ACBD6: variants seen among roughly 807,000 people sequenced by gnomAD.
ACBD6 encodes the protein acyl-CoA binding domain containing 6.
ACBD6 carries 28 observed loss-of-function variants against 37.2 expected under a neutral mutation model. The observed-to-expected ratio is 0.75, with a 90% CI of 0.56 to 1.03. ACBD6 has a LOEUF of 1.03. Among genes scored for constraint, ACBD6 ranks in the 50% least tolerant of loss-of-function variants. The pLI is 0.00. For missense variants in ACBD6, 340 were observed against 337.4 expected (o/e 1.01, Z -0.06); for synonymous variants, 113 against 126.8 (o/e 0.89, Z 0.73).
chr1:180,446,591 T>C (rs953231034), intron 3 of ACBD6, among the ~76,000 whole-genome samples: 1 of 152,106 alleles, frequency 6.6e-6, no homozygotes, highest in Non-Finnish European at 1.5e-5. Flanking sequence ...AAAAGAAAAC[T>C]TTACCATGAA....
chr1:180,304,174 C>G (rs536132629), intron 7 of ACBD6, among the ~76,000 whole-genome samples: 15 of 150,676 alleles, frequency 1.0e-4, no homozygotes, highest in Non-Finnish European at 1.9e-4. Context: ...AAACCTGGAA[C>G]CATTCCCTTT....
intron 6 of ACBD6, among the ~76,000 whole-genome samples, chr1:180,364,447 T>G (rs534501880): frequency 4.9e-4 from 75 of 152,342 alleles, no homozygotes; most frequent in Non-Finnish European, 9.8e-4. Context: ...GTCTACTGTC[T>G]TCAAATAACA....
At position 180,324,892 on chromosome 1, in the gene ACBD6, G is replaced by A. The variant is rs138536473; in HGVS notation, c.664-10170C>T. On this transcript the variant is annotated intron_variant, in intron 6 of 7. Coordinates refer to ENST00000367595, the MANE Select transcript of ACBD6 (RefSeq NM_032360.4). ...TTCTAGGGTAAATTTTTTTTTGTTT[G>A]TTTTTCCTTTAGCACTTTAAATATG... Among the ~76,000 whole-genome samples the A allele has an allele frequency of 2.6e-3, 387 of 151,698 alleles. 2 individuals are homozygous for A. In the East Asian group the frequency reaches 0.036, roughly 14 times the overall value.
rs542088327 is a variant in ACBD6, at chr1:180,470,003, A to G, written c.384+22266T>C. Among the ~76,000 whole-genome samples, 5 of 152,288 alleles carry G rather than the reference A, an allele frequency of 3.3e-5. No homozygotes were observed. The East Asian group carries it at 9.6e-4, about 29-fold the overall frequency. ...AAGCAAATTATGTCAAATATAATAAATAAGATTTTAACAATAAAAGACTAA... is the reference window on the plus strand; with the variant it reads ...AAGCAAATTATGTCAAATATAATAAGTAAGATTTTAACAATAAAAGACTAA... On this transcript the variant is annotated intron_variant, in intron 3 of 7. Transcript: ENST00000367595.
intron 3 of ACBD6, among the ~76,000 whole-genome samples, chr1:180,440,974 T>C (rs76724469): frequency 2.7e-3 from 408 of 152,336 alleles, no homozygotes; most frequent in African/African-American, 9.2e-3. Context: ...TTTGGGTTGT[T>C]TGCACTTTTG....
intron 6 of ACBD6, among the ~76,000 whole-genome samples, chr1:180,334,761 GA>G (rs1207918483): frequency 6.6e-6 from 1 of 151,812 alleles, no homozygotes; most frequent in Non-Finnish European, 1.5e-5. Context: ...TAAAAACCTT[GA>G]AAAAAAATTA....
intron 6 of ACBD6, among the ~76,000 whole-genome samples, chr1:180,392,301 C>G (rs1571447220): frequency 6.6e-6 from 1 of 151,642 alleles, no homozygotes. Flanking sequence ...GTAAAACACA[C>G]TGTGCTGTAT....
intron 3 of ACBD6, among the ~76,000 whole-genome samples, chr1:180,473,890 T>G (rs1650672826): frequency 6.6e-6 from 1 of 152,046 alleles, no homozygotes; most frequent in Non-Finnish European, 1.5e-5. Flanking sequence ...TGGATTCACT[T>G]GATTAAAATA....
chr1:180,274,274 T>C, intron 10 of ACBD6: 7 of 1,614,226 alleles, frequency 4.3e-6, no homozygotes, highest in Non-Finnish European at 5.9e-6. Context: ...GAATGGGAGC[T>C]TCTCCATGGA....
Position 180,434,860 on chromosome 1 carries a change from G to C in ACBD6, c.385-4598C>G, listed in dbSNP as rs1648956640. On this transcript the variant is annotated intron_variant, in intron 3 of 7. Coordinates refer to ENST00000367595, the MANE Select transcript of ACBD6 (RefSeq NM_032360.4). ...ATCTGCCAGGGATGTCTTCACCAAG[G>C]GTTATGGATTTGGCTTGATTTGAAA... is the stretch of plus-strand genomic sequence containing the variant. The C allele has an allele frequency of 1.3e-5, 10 of 753,980 alleles. No individual in the cohort carries two copies. In the Admixed American group the frequency reaches 1.7e-4, roughly 13 times the overall value. The allele number at this position is 753,980 out of a possible 1,614,324, so 46.7% of individuals were successfully genotyped here.
At chr1:180,270,688 A>G in exon 14 of ACBD6, 1 of 153,834 alleles carries the variant, frequency 6.5e-6, no homozygotes, top group Non-Finnish European at 1.4e-5. Context: ...AACTCATTTT[A>G]CATTTCATCT....
chr1:180,346,317 T>C (rs763568561), intron 6 of ACBD6, among the ~76,000 whole-genome samples: 6 of 152,200 alleles, frequency 3.9e-5, no homozygotes, highest in Non-Finnish European at 8.8e-5. Flanking sequence ...TAGAAATATA[T>C]TAATAGGTAC....
chr1:180,396,571 T>C (rs553025622), intron 6 of ACBD6, among the ~76,000 whole-genome samples: 1 of 152,058 alleles, frequency 6.6e-6, no homozygotes, highest in Non-Finnish European at 1.5e-5. Flanking sequence ...GTATCCAGAA[T>C]ATATAAAGCA....
intron 3 of ACBD6, among the ~76,000 whole-genome samples, chr1:180,445,751 C>G (rs746565778): frequency 6.6e-6 from 1 of 151,540 alleles, no homozygotes; most frequent in Admixed American, 6.6e-5. Context: ...ATGGTGAGAC[C>G]CTGTCTCTAC....
At chr1:180,398,863 G>C (rs1349566760) in intron 5 of ACBD6, among the ~76,000 whole-genome samples, 1 of 151,248 alleles carries the variant, frequency 6.6e-6, no homozygotes, top group Non-Finnish European at 1.5e-5. Flanking sequence ...TACTTTATGT[G>C]ATTTTAGAAA....
chr1:180,443,948 C>G (rs1649385457), intron 3 of ACBD6, among the ~76,000 whole-genome samples: 1 of 151,894 alleles, frequency 6.6e-6, no homozygotes, highest in Non-Finnish European at 1.5e-5. Context: ...TAACTTTACA[C>G]TACTTATAAT....
chr1:180,427,097 T>C (rs1409996866), intron 4 of ACBD6, among the ~76,000 whole-genome samples: 1 of 152,224 alleles, frequency 6.6e-6, no homozygotes, highest in Non-Finnish European at 1.5e-5. Context: ...AAGCTCAGAA[T>C]TGGCCCCACT....
intron 5 of ACBD6, among the ~76,000 whole-genome samples, chr1:180,412,475 T>G (rs966513339): frequency 2.0e-5 from 3 of 152,194 alleles, no homozygotes; most frequent in African/African-American, 4.8e-5. Flanking sequence ...AGAAAATGAT[T>G]AGAAGTGAGT....
exon 14 of ACBD6, chr1:180,269,717 C>T (rs1176815756): frequency 6.6e-6 from 1 of 152,218 alleles, no homozygotes; most frequent in Non-Finnish European, 1.5e-5. Flanking sequence ...CACTATTTCC[C>T]ATTTGCATAA....
Sources: allele counts gnomAD v4.1 joint callset (sites outside exome capture counted in the v4.1 genomes callset), GRCh38; gene constraint gnomAD v4.1.1; transcripts MANE v1.5; gene names NCBI Gene and HGNC (gene_info 2026-07-23, HGNC 2026-07-21).